ABITRAM: variants seen among roughly 807,000 people sequenced by gnomAD.
ABITRAM encodes the protein actin binding transcription modulator, also known as protein Abitram.
In ABITRAM, 19 loss-of-function variants were observed where a neutral mutation model predicts 22.9. That is an observed-to-expected ratio of 0.83 (90% CI 0.58 to 1.22). The LOEUF (loss-of-function observed/expected upper bound fraction) is 1.22. ABITRAM is among the 50% of genes most tolerant of loss of function. ABITRAM has a pLI of 0.00. For synonymous variants in ABITRAM, 70 were observed against 73.9 expected (o/e 0.95, Z 0.27); for missense variants, 215 against 220.2 (o/e 0.98, Z 0.15).
rs773527629 is a variant in ABITRAM, at chr9:108,935,624, A to G, written c.80-14A>G. 1 of 1,605,884 alleles carries G rather than the reference A, an allele frequency of 6.2e-7. No individual in the cohort carries two copies. Among genetic ancestry groups the G allele is most frequent in the East Asian group, 2.2e-5 (1 of 44,830 alleles). ...ATTGATTTCAGCCACCAACAGACTC[A>G]TGTATTCTTCTAGATGTCAAAGGAA... is the stretch of plus-strand genomic sequence containing the variant. On this transcript the variant is annotated splice_polypyrimidine_tract_variant and intron_variant, in intron 1 of 5. Coordinates refer to ENST00000322940, the MANE Select transcript of ABITRAM (RefSeq NM_017832.4).
At chr9:108,949,309 G>A (rs1830492689) in intron 3 of ABITRAM, among the ~76,000 whole-genome samples, 1 of 152,138 alleles carries the variant, frequency 6.6e-6, no homozygotes, top group African/African-American at 2.4e-5. Context: ...GTTTCCCAGT[G>A]TCCATGGGAT....
chr9:108,949,149 T>C (rs1406692492), intron 3 of ABITRAM, among the ~76,000 whole-genome samples: 2 of 152,202 alleles, frequency 1.3e-5, no homozygotes, highest in Non-Finnish European at 2.9e-5. Flanking sequence ...AGAAGGGCTA[T>C]AAATCTGCCC....
chr9:108,943,067 A>G (rs1830292023), downstream of ABITRAM: 4 of 1,584,180 alleles, frequency 2.5e-6, no homozygotes, highest in African/African-American at 2.7e-5. Flanking sequence ...AAAGCATGCA[A>G]ATGATATTCT....
downstream of ABITRAM, among the ~76,000 whole-genome samples, chr9:108,945,641 T>TG (rs1253896987): frequency 5.4e-5 from 8 of 148,282 alleles, no homozygotes; most frequent in African/African-American, 1.8e-4. Flanking sequence ...TTTTTTTTTT[T>TG]TGTTTTGTTT....
intron 3 of ABITRAM, among the ~76,000 whole-genome samples, chr9:108,947,858 T>C (rs1046352766): frequency 6.6e-6 from 1 of 152,228 alleles, no homozygotes; most frequent in African/African-American, 2.4e-5. Flanking sequence ...CAAAAATCTT[T>C]CTAGAACTCT....
At chr9:108,949,350 T>C (rs1830493268) in intron 3 of ABITRAM, among the ~76,000 whole-genome samples, 1 of 152,110 alleles carries the variant, frequency 6.6e-6, no homozygotes, top group Non-Finnish European at 1.5e-5. Flanking sequence ...AAACAAAAAA[T>C]ACTGAGCATG....
chr9:108,941,638 T>C (rs1174994629), downstream of ABITRAM, among the ~76,000 whole-genome samples: 2 of 152,222 alleles, frequency 1.3e-5, no homozygotes, highest in Non-Finnish European at 2.9e-5. Flanking sequence ...ACTGTGGTTC[T>C]TCCGGATCTT....
chr9:108,939,361 T>G, intron 4 of ABITRAM, 24 bp from the exon 5 acceptor site: 1 of 1,598,624 alleles, frequency 6.3e-7, no homozygotes, highest in Non-Finnish European at 8.5e-7. Context: ...GTAAACATGC[T>G]GAAATCTTAA....
rs147060356 is a variant in ABITRAM at position 108,934,562 on chromosome 9, C to G, written c.76C>G (p.Pro26Ala). 3 of 1,603,584 alleles carry G rather than the reference C, an allele frequency of 1.9e-6. No individual in the cohort carries two copies. Among genetic ancestry groups the G allele is most frequent in the African/African-American group, 2.7e-5 (2 of 73,660 alleles). ...VDRYFTRWYK[P>A]DVKGKFCEDH... ...TCGATACTTCACTCGCTGGTACAAA[C>G]CGGGTAAGTGCGGAGTGATGTTGAT... The change falls in exon 1 of 6, where the codon CCG becomes GCG. Residue 26 changes from proline (P) to alanine (A), a missense_variant. Coordinates refer to ENST00000322940, the MANE Select transcript of ABITRAM (RefSeq NM_017832.4).
rs1317144611 is a variant in ABITRAM, at chr9:108,939,858, G to T, written c.*172G>T. ...CTCTCTGTCTTCATAATGAGCCTTG[G>T]TTCCCATTTGTCTACAGCCTGCCAG... is the stretch of plus-strand genomic sequence containing the variant. On this transcript the variant is annotated 3_prime_UTR_variant, in exon 6 of 6. Coordinates refer to ENST00000322940, the MANE Select transcript of ABITRAM (RefSeq NM_017832.4). 1.4e-6 allele frequency: 1 copy of T among 710,830 alleles called. No homozygotes were observed. The highest frequency in any genetic ancestry group is 3.3e-5 in the Admixed American group (1 of 30,766). 44.0% of individuals were successfully genotyped at this position (710,830 alleles called of 1,614,324 possible). A position where few individuals can be genotyped will look rare whatever the true frequency, so the allele number is the denominator to read the frequency against.
downstream of ABITRAM, chr9:108,942,812 C>T: frequency 1.9e-6 from 3 of 1,613,646 alleles, no homozygotes; most frequent in Non-Finnish European, 2.5e-6. Flanking sequence ...AACTGAGACC[C>T]ATCCGTTATT....
intron 2 of ABITRAM, 45 bp downstream of exon 2, chr9:108,935,734 T>G: frequency 7.4e-7 from 1 of 1,349,898 alleles, no homozygotes; most frequent in South Asian, 1.2e-5. Flanking sequence ...TTTTTTTTCC[T>G]GGTATTGTAG....
At chr9:108,943,380 A>G (rs1830303746), downstream of ABITRAM, among the ~76,000 whole-genome samples, 1 of 152,238 alleles carries the variant, frequency 6.6e-6, no homozygotes, top group East Asian at 1.9e-4. Flanking sequence ...TTTTGTGGGC[A>G]CAAACCCATA....
chr9:108,936,350 A>G lies in ABITRAM; in HGVS notation c.174A>G (p.Gln58=), dbSNP rs779137585. The change falls in exon 3 of 6, where the codon CAA becomes CAG. Residue 58 remains glutamine, a synonymous_variant. Transcript: ENST00000322940. The part of the protein sequence containing the change: ...ITLAESHPVL[Q]SGKTIKSISY... ...TGGCAGAATCTCATCCAGTTCTTCA[A>G]AGTGGAAAAACAATTAAAAGCATTT... 6.2e-6 allele frequency: 10 copies of G among 1,613,934 alleles called. No homozygotes were observed. In the South Asian group the frequency reaches 9.9e-5, roughly 16 times the overall value.
At chr9:108,944,405 G>A (rs1217692357), downstream of ABITRAM, among the ~76,000 whole-genome samples, 1 of 148,786 alleles carries the variant, frequency 6.7e-6, no homozygotes, top group Non-Finnish European at 1.5e-5. Context: ...AAAAGGGTTA[G>A]GACCTTCCCA....
chr9:108,934,569 A>G lies in ABITRAM; in HGVS notation c.79+4A>G, dbSNP rs2132061666. On this transcript the variant is annotated splice_donor_region_variant and intron_variant, in intron 1 of 5. Coordinates refer to ENST00000322940, the MANE Select transcript of ABITRAM (RefSeq NM_017832.4). Reference sequence around the variant, plus strand: ...TTCACTCGCTGGTACAAACCGGGTAAGTGCGGAGTGATGTTGATCCCTCCT... The same window carrying G: ...TTCACTCGCTGGTACAAACCGGGTAGGTGCGGAGTGATGTTGATCCCTCCT... 4 of 1,601,040 alleles carry G rather than the reference A, an allele frequency of 2.5e-6. No individual in the cohort carries two copies. Among genetic ancestry groups the G allele is most frequent in the African/African-American group, 2.7e-5 (2 of 73,584 alleles).
chr9:108,943,169 T>C (rs1830295027), downstream of ABITRAM: 5 of 894,746 alleles, frequency 5.6e-6, no homozygotes, highest in South Asian at 5.6e-5. Context: ...GAAAGAGATA[T>C]GGATTTAGGC....
At chr9:108,941,274 A>G (rs982269302), downstream of ABITRAM, among the ~76,000 whole-genome samples, 61 of 152,144 alleles carry the variant, frequency 4.0e-4, no homozygotes, top group African/African-American at 1.4e-3. Context: ...GTGGATAAAC[A>G]CCTCCACGAT....
downstream of ABITRAM, chr9:108,942,781 A>C (rs201519044): frequency 1.6e-5 from 26 of 1,610,686 alleles, no homozygotes; most frequent in Non-Finnish European, 2.2e-5. Context: ...AAGTTTTACT[A>C]TCCATAGTGT....
Sources: gnomAD v4.1 joint callset for allele counts (sites outside exome capture counted in the v4.1 genomes callset) on GRCh38, gnomAD v4.1.1 for gene constraint, MANE v1.5 for transcripts, NCBI Gene and HGNC (gene_info 2026-07-23, HGNC 2026-07-21) for gene names.